AP1B1: variants seen among roughly 807,000 people sequenced by gnomAD.
AP1B1 encodes adaptor related protein complex 1 subunit beta 1, also known as AP-1 complex subunit beta-1.
A neutral mutation model predicts 104.3 loss-of-function variants in AP1B1; 36 were observed. The observed-to-expected ratio is 0.35, with a 90% CI of 0.26 to 0.46. AP1B1 has a LOEUF of 0.46. Ranked by LOEUF, AP1B1 falls within the 20% of genes least tolerant of loss-of-function variation. The probability of loss-of-function intolerance (pLI) is 1.00; values close to 1 mark genes in which losing one functional copy is unlikely to be tolerated. For missense variants in AP1B1, 901 were observed against 1,247.9 expected (o/e 0.72, Z 4.19); for synonymous variants, 504 against 517.5 (o/e 0.97, Z 0.35).
At chr22:29,357,208 C>T (rs2061972886) in intron 5 of AP1B1, among the ~76,000 whole-genome samples, 1 of 152,050 alleles carries the variant, frequency 6.6e-6, no homozygotes, top group Admixed American at 6.6e-5. Flanking sequence ...GGACTGATTA[C>T]AGGCATGCAC....
At chr22:29,351,660 TG>T in intron 8 of AP1B1, 44 bp downstream of exon 8, 1 of 1,604,290 alleles carries the variant, frequency 6.2e-7, no homozygotes, top group Non-Finnish European at 8.5e-7. Context: ...GGTGGTGGAA[TG>T]GTCCCACACT....
chr22:29,376,094 A>C, intron 1 of AP1B1, among the ~76,000 whole-genome samples: 1 of 152,232 alleles, frequency 6.6e-6, no homozygotes, highest in South Asian at 2.1e-4. Flanking sequence ...AGAACATGAC[A>C]TAAGATGTTT....
intron 10 of AP1B1, among the ~76,000 whole-genome samples, 162 bp downstream of exon 10, chr22:29,349,870 AGAG>A (rs1319124077): frequency 3.9e-5 from 6 of 152,296 alleles, no homozygotes; most frequent in Non-Finnish European, 7.4e-5. Flanking sequence ...CCTGGGGAGT[AGAG>A]GAGGGGCAGT....
intron 2 of AP1B1, among the ~76,000 whole-genome samples, chr22:29,365,109 G>C (rs1356339382): frequency 1.3e-5 from 2 of 152,126 alleles, no homozygotes; most frequent in Non-Finnish European, 2.9e-5. Flanking sequence ...TTTGCAAATG[G>C]AGGCTGTGAG....
intron 17 of AP1B1, among the ~76,000 whole-genome samples, chr22:29,333,729 G>T (rs986216679): frequency 6.6e-6 from 1 of 152,122 alleles, no homozygotes; most frequent in African/African-American, 2.4e-5. Flanking sequence ...ACTCTGCCTG[G>T]TACTTTGGAG....
intron 14 of AP1B1, 75 bp downstream of exon 14, chr22:29,340,581 G>A: frequency 2.1e-6 from 3 of 1,418,998 alleles, no homozygotes; most frequent in Non-Finnish European, 2.8e-6. Flanking sequence ...GCTGGTGCCT[G>A]GCATGGAGGG....
At chr22:29,339,432 G>A (rs923235667) in intron 15 of AP1B1, among the ~76,000 whole-genome samples, 3 of 152,176 alleles carry the variant, frequency 2.0e-5, no homozygotes, top group Admixed American at 1.3e-4. Context: ...ACACGGCTGG[G>A]TGGAGACATG....
chr22:29,340,948 C>A, intron 13 of AP1B1, 91 bp from the exon 14 acceptor site: 2 of 1,334,146 alleles, frequency 1.5e-6, no homozygotes, highest in South Asian at 1.4e-5. Flanking sequence ...TCCCCCAGGA[C>A]AGGCACTGAG....
At chr22:29,337,546 C>T (rs552193092) in intron 16 of AP1B1, among the ~76,000 whole-genome samples, 1 of 152,272 alleles carries the variant, frequency 6.6e-6, no homozygotes, top group Non-Finnish European at 1.5e-5. Context: ...CCAACTGTAT[C>T]CTGCTTTGGG....
Position 29,346,914 on chromosome 22 carries a change from C to T in AP1B1, c.1437+2304G>A, listed in dbSNP as rs148798232. Among the ~76,000 whole-genome samples, 103 of 152,304 alleles carry T rather than the reference C, an allele frequency of 6.8e-4. 1 individual carries two copies. In the East Asian group the frequency reaches 0.012, roughly 18 times the overall value. On this transcript the variant is annotated intron_variant, in intron 11 of 22. Transcript: ENST00000357586. Reference sequence around the variant, plus strand: ...AAACACTGGCTTTCCTTCAGAGCCTCGCCCTTCTTTCTGTCCCTTTCAGTC... The same window carrying T: ...AAACACTGGCTTTCCTTCAGAGCCTTGCCCTTCTTTCTGTCCCTTTCAGTC...
intron 17 of AP1B1, chr22:29,332,271 A>G: frequency 5.0e-6 from 1 of 199,628 alleles, no homozygotes; most frequent in Non-Finnish European, 1.0e-5. Flanking sequence ...AGGGGCCTGG[A>G]GTATAAGCTG....
At chr22:29,373,901 GAAAA>G (rs562221478) in intron 1 of AP1B1, among the ~76,000 whole-genome samples, 3 of 88,368 alleles carry the variant, frequency 3.4e-5, no homozygotes, top group East Asian at 3.3e-4. Flanking sequence ...GACTCGGTCT[GAAAA>G]AAAAAAAAAA....
chr22:29,329,641 G>A (rs2061527105), intron 22 of AP1B1, 71 bp downstream of exon 22: 7 of 1,606,574 alleles, frequency 4.4e-6, no homozygotes, highest in Admixed American at 3.4e-5. Context: ...GGAGACATGG[G>A]GTGCATGGGG....
chr22:29,348,758 T>C (rs1395619909), intron 11 of AP1B1, among the ~76,000 whole-genome samples: 3 of 152,154 alleles, frequency 2.0e-5, no homozygotes, highest in Non-Finnish European at 4.4e-5. Flanking sequence ...TGTATGTGTG[T>C]ATAGGAAGGA....
chr22:29,346,793 G>A (rs1420944470), intron 11 of AP1B1, among the ~76,000 whole-genome samples: 1 of 148,888 alleles, frequency 6.7e-6, no homozygotes, highest in African/African-American at 2.6e-5. Context: ...GCAGGTGGCA[G>A]TGGGGGGGGG....
In AP1B1 at chr22:29,328,672, A is replaced by C; in HGVS notation, c.*149T>G. On this transcript the variant is annotated 3_prime_UTR_variant, in exon 23 of 23. Transcript: ENST00000357586. The surrounding 1 kb of genome is among the most constrained non-coding windows in gnomAD (Gnocchi z 4.1). ...GAGGGGGTGGTGCCCTACCCCAGGG[A>C]TCGGGTGGGTTCTGCCATCAGGACC... 1.0e-6 allele frequency: 1 copy of C among 961,342 alleles called. No homozygotes were observed. Among genetic ancestry groups the C allele is most frequent in the Non-Finnish European group, 1.5e-6 (1 of 658,836 alleles). The allele number at this position is 961,342 out of a possible 1,614,324, so 59.6% of individuals were successfully genotyped here.
At chr22:29,356,148 C>T (rs2061954129) in intron 6 of AP1B1, among the ~76,000 whole-genome samples, 2 of 152,264 alleles carry the variant, frequency 1.3e-5, no homozygotes, top group Non-Finnish European at 2.9e-5. Context: ...GGCTCTGGCG[C>T]TACCCACCTA....
chr22:29,367,784 T>C (rs2062168065), intron 1 of AP1B1, among the ~76,000 whole-genome samples: 2 of 152,160 alleles, frequency 1.3e-5, no homozygotes, highest in South Asian at 4.1e-4. Flanking sequence ...TATTACCCTA[T>C]ACAGTCAAAT....
chr22:29,337,365 G>A (rs1295935477), intron 16 of AP1B1, among the ~76,000 whole-genome samples: 1 of 152,212 alleles, frequency 6.6e-6, no homozygotes, highest in African/African-American at 2.4e-5. Flanking sequence ...GGCTACTAGT[G>A]TCCGAGTTGC....
Sources: allele counts gnomAD v4.1 joint callset (sites outside exome capture counted in the v4.1 genomes callset), GRCh38; gene constraint gnomAD v4.1.1; non-coding constraint Gnocchi (gnomAD v3.1); transcripts MANE v1.5; gene names NCBI Gene and HGNC (gene_info 2026-07-23, HGNC 2026-07-21).